The following MAP2K7 variants were observed in gnomAD, a reference collection of about 807,000 sequenced individuals.
MAP2K7 encodes mitogen-activated protein kinase kinase 7.
A neutral mutation model predicts 47.7 loss-of-function variants in MAP2K7; 12 were observed. That is an observed-to-expected ratio of 0.25 (90% confidence interval 0.16 to 0.41). MAP2K7 has a LOEUF of 0.41. MAP2K7 is among the 10% of genes least tolerant of loss of function. The pLI is 1.00. For synonymous variants in MAP2K7, 299 were observed against 243.0 expected (o/e 1.23, Z -2.14); for missense variants, 415 against 600.3 (o/e 0.69, Z 3.23).
intron 1 of MAP2K7, among the ~76,000 whole-genome samples, 186 bp downstream of exon 1, chr19:7,904,254 C>G (rs938466129): frequency 6.6e-6 from 1 of 152,020 alleles, no homozygotes; most frequent in East Asian, 1.9e-4. Context: ...CGGCGAGCTC[C>G]GGGGGGTTCG....
chr19:7,914,445 G>A lies in MAP2K7; in HGVS notation c.*2014G>A, dbSNP rs1652297356. 1 of 152,288 alleles carries A rather than the reference G, an allele frequency of 6.6e-6. No homozygotes were observed. The highest frequency in any genetic ancestry group is 1.5e-5 in the Non-Finnish European group (1 of 68,070). 9.4% of individuals were successfully genotyped at this position (152,288 alleles called of 1,614,324 possible). A position where few individuals can be genotyped will look rare whatever the true frequency, so the allele number is the denominator to read the frequency against. ...AAATGCCCTCGTTTGTAAACCCTTA[G>A]ACGCTTGAGAATAAACCCCTTCCTT... On this transcript the variant is annotated 3_prime_UTR_variant, in exon 11 of 11. Transcript: ENST00000397979.
chr19:7,904,438 C>G (rs1017740498), intron 1 of MAP2K7: 1 of 381,388 alleles, frequency 2.6e-6, no homozygotes, highest in Admixed American at 3.0e-5. Flanking sequence ...TGCTACCACT[C>G]TCGTCATCTC....
intron 9 of MAP2K7, 37 bp downstream of exon 9, chr19:7,911,615 C>T: frequency 6.5e-7 from 1 of 1,545,416 alleles, no homozygotes; most frequent in Non-Finnish European, 8.7e-7. Context: ...TCAGGGACAG[C>T]CCGCTGCTCT....
At position 7,912,055 on chromosome 19, in the gene MAP2K7, C is replaced by A. The variant is rs1299923182; in HGVS notation, c.1080-94C>A. The stretch of plus-strand genomic sequence containing the variant: ...CCTTCCCCCACACACATCTTGGGGA[C>A]CCCTGGCCCCTTGGGGAGGGCCTGA... On this transcript the variant is annotated intron_variant, in intron 9 of 10. Coordinates refer to ENST00000397979, the MANE Select transcript of MAP2K7 (RefSeq NM_145185.4). The A allele has an allele frequency of 1.5e-5, 18 of 1,188,666 alleles. No individual in the cohort carries two copies. In the Admixed American group the frequency reaches 2.5e-4, roughly 16 times the overall value. The allele number at this position is 1,188,666 out of a possible 1,614,324, so 73.6% of individuals were successfully genotyped here. A position where few individuals can be genotyped will look rare whatever the true frequency, so the allele number is the denominator to read the frequency against.
chr19:7,904,013 G>A lies in MAP2K7; in HGVS notation c.69G>A (p.Glu23=), dbSNP rs1982259264. The change falls in exon 1 of 11, where the codon GAG becomes GAA. Residue 23 remains glutamate (E), a synonymous_variant. Coordinates refer to ENST00000397979, the MANE Select transcript of MAP2K7 (RefSeq NM_145185.4). ...CAAAGCTGAAGCAGGAGAACCGGGA[G>A]GCCCGGCGGAGGATCGACCTCAACC... ...LEAKLKQENR[E]ARRRIDLNLD... is the part of the protein sequence containing the mutation. 6.5e-7 allele frequency: 1 copy of A among 1,547,418 alleles called. No homozygotes were observed. Among genetic ancestry groups the A allele is most frequent in the Non-Finnish European group, 8.7e-7 (1 of 1,146,376 alleles).
rs1274057394 is a variant in MAP2K7 at position 7,912,305 on chromosome 19, C to T, written c.1134C>T (p.Ser378=). Residue 378 remains serine (S), a synonymous_variant, in exon 11 of 11, where the codon AGC becomes AGT. Transcript: ENST00000397979. The part of the protein sequence containing the change: ...RPKYNKLLEH[S]FIKRYETLEV... ...CCCCCTCGGGCCCACAGGAACACAGCTTCATCAAGCGCTACGAGACGCTGG... is the reference window on the plus strand; with the variant it reads ...CCCCCTCGGGCCCACAGGAACACAGTTTCATCAAGCGCTACGAGACGCTGG... The T allele has an allele frequency of 1.2e-6, 2 of 1,613,636 alleles. No homozygotes were observed. Among genetic ancestry groups the T allele is most frequent in the African/African-American group, 2.7e-5 (2 of 74,942 alleles).
chr19:7,909,438 A>G lies in MAP2K7; in HGVS notation c.125-317A>G, dbSNP rs527579922. ...GAGGAAGTGCACACACCTGTCAGGG[A>G]GGCCCCCTGGCCGAGGGACACCTCA... On this transcript the variant is annotated intron_variant, in intron 1 of 10. Transcript: ENST00000397979. 1.2e-4 allele frequency among the ~76,000 whole-genome samples: 19 copies of G among 152,318 alleles called. No individual in the cohort carries two copies. In the South Asian group the frequency reaches 3.9e-3, roughly 32 times the overall value.
chr19:7,909,833 C>T lies in MAP2K7; in HGVS notation c.203C>T (p.Pro68Leu). The T allele has an allele frequency of 1.3e-6, 2 of 1,539,072 alleles. No homozygotes were observed. The highest frequency in any genetic ancestry group is 1.7e-6 in the Non-Finnish European group (2 of 1,143,024). ...SESSPQHPTP[P>L]ARPRHMLGLP... ...AGCTCCCCGCAGCACCCCACGCCCCCCGCCCGGCCCCGCCACATGCTGGGG... is the reference window on the plus strand; with the variant it reads ...AGCTCCCCGCAGCACCCCACGCCCCTCGCCCGGCCCCGCCACATGCTGGGG... Residue 68 changes from proline (P) to leucine (L), a missense_variant, in exon 2 of 11, where the codon CCC (proline) becomes CTC (leucine). By Grantham distance (98) the Pro-to-Leu change is moderately conservative. Around this residue, in one of 3 missense-constraint regions of MAP2K7, gnomAD observed 115 missense variants for 126.2 expected, o/e 0.91. Transcript: ENST00000397979.
rs1378141135 is a variant in MAP2K7 at position 7,914,284 on chromosome 19, C to T, written c.*1853C>T. On this transcript the variant is annotated 3_prime_UTR_variant, in exon 11 of 11. Transcript: ENST00000397979. Reference sequence around the variant, plus strand: ...CCCAGCCTCTCCCAAGACCTCCCCCCTCGTCACCAGCCATCCCTCTGGACC... The same window carrying T: ...CCCAGCCTCTCCCAAGACCTCCCCCTTCGTCACCAGCCATCCCTCTGGACC... 1.3e-5 allele frequency: 2 copies of T among 152,528 alleles called. No homozygotes were observed. Among genetic ancestry groups the T allele is most frequent in the East Asian group, 1.9e-4 (1 of 5,202 alleles). 9.4% of individuals were successfully genotyped at this position (152,528 alleles called of 1,614,324 possible).
intron 1 of MAP2K7, chr19:7,905,792 C>A: frequency 6.3e-7 from 1 of 1,579,024 alleles, no homozygotes. Flanking sequence ...TTTTTTTCTT[C>A]CTTTTCCCCA....
In MAP2K7 at chr19:7,912,596, C is replaced by T; in HGVS notation, c.*165C>T. The T allele has an allele frequency of 3.7e-6, 3 of 811,244 alleles. No homozygotes were observed. Among genetic ancestry groups the T allele is most frequent in the Middle Eastern group, 3.8e-4 (1 of 2,664 alleles). The allele number at this position is 811,244 out of a possible 1,614,324, so 50.3% of individuals were successfully genotyped here. On this transcript the variant is annotated 3_prime_UTR_variant, in exon 11 of 11. Transcript: ENST00000397979. ...GCCCACCCACCCCCCCCGCCCCGGGCCTACCAAGCCCCCGCCCTTCCCACC... is the reference window on the plus strand; with the variant it reads ...GCCCACCCACCCCCCCCGCCCCGGGTCTACCAAGCCCCCGCCCTTCCCACC...
chr19:7,905,384 T>G (rs992725590), intron 1 of MAP2K7, among the ~76,000 whole-genome samples: 4 of 152,122 alleles, frequency 2.6e-5, no homozygotes, highest in African/African-American at 9.7e-5. Flanking sequence ...TTGGGGAGTC[T>G]CTTGGGGGTC....
At chr19:7,907,927 G>A (rs1460095003) in intron 1 of MAP2K7, among the ~76,000 whole-genome samples, 1 of 152,202 alleles carries the variant, frequency 6.6e-6, no homozygotes, top group African/African-American at 2.4e-5. Flanking sequence ...CTCAGGCCAT[G>A]GACAGAGCAG....
rs1190934424 is a variant in MAP2K7 at position 7,903,922 on chromosome 19, CGGCGGCGGT to C, written c.-14_-6del. The stretch of plus-strand genomic sequence containing the variant: ...GACTGACGGGCGGCCGGGCGGTGCG[CGGCGGCGGT>C]GGCGGCGGGGAAGATGGCGGCGTCC... On this transcript the variant is annotated 5_prime_UTR_variant, in exon 1 of 11. Transcript: ENST00000397979. The C allele has an allele frequency of 2.0e-6, 3 of 1,497,194 alleles. No individual in the cohort carries two copies. The highest frequency in any genetic ancestry group is 2.7e-6 in the Non-Finnish European group (3 of 1,120,698). 92.7% of individuals were successfully genotyped at this position (1,497,194 alleles called of 1,614,324 possible). A position where few individuals can be genotyped will look rare whatever the true frequency, so the allele number is the denominator to read the frequency against.
intron 1 of MAP2K7, among the ~76,000 whole-genome samples, chr19:7,907,763 G>A (rs1006706510): frequency 4.6e-5 from 7 of 152,160 alleles, no homozygotes; most frequent in African/African-American, 1.2e-4. Context: ...GGCTGTGGTC[G>A]TCAACCGCTG....
rs770499913 is a variant in MAP2K7, at chr19:7,911,174, C to T, written c.855+15C>T. ...CCTACATGGCAGTGAGTGGGGGCCC[C>T]CCAGCGGGGGAGGGGGTGGGGGCTG... On this transcript the variant is annotated intron_variant, in intron 7 of 10. Transcript: ENST00000397979. 25 of 1,608,458 alleles carry T rather than the reference C, an allele frequency of 1.6e-5. No individual in the cohort carries two copies. The South Asian group carries it at 2.4e-4, about 16-fold the overall frequency.
intron 1 of MAP2K7, chr19:7,905,945 T>C (rs1398526182): frequency 2.7e-6 from 3 of 1,112,124 alleles, no homozygotes; most frequent in Non-Finnish European, 4.1e-6. Context: ...CCAGCCCCCA[T>C]GCTCTGTGTG....
rs1948087271 is a variant in MAP2K7, at chr19:7,914,078, A to G, written c.*1647A>G. ...GCCCTTTCCTCCCCTGCATCCAGCC[A>G]TGGGGGCCTCTGCGATTGCCGGAAG... On this transcript the variant is annotated 3_prime_UTR_variant, in exon 11 of 11. Coordinates refer to ENST00000397979, the MANE Select transcript of MAP2K7 (RefSeq NM_145185.4). 6.6e-6 allele frequency: 1 copy of G among 152,170 alleles called. No individual in the cohort carries two copies. The highest frequency in any genetic ancestry group is 2.4e-5 in the African/African-American group (1 of 41,438). 9.4% of individuals were successfully genotyped at this position (152,170 alleles called of 1,614,324 possible).
Position 7,910,734 on chromosome 19 carries a change from C to T in MAP2K7, c.606C>T (p.Cys202=), listed in dbSNP as rs35139435. 1,355 of 1,611,708 alleles carry T rather than the reference C, an allele frequency of 8.4e-4. 3 individuals carry two copies. The African/African-American group carries it at 0.011, about 13-fold the overall frequency. ...TCGCCATGGAGCTCATGGGCACCTG[C>T]GCTGAGAAGCTCAAGAAGCGGATGC... is the stretch of plus-strand genomic sequence containing the variant. The part of the protein sequence containing the change: ...VFIAMELMGT[C]AEKLKKRMQG... The change falls in exon 6 of 11, where the codon TGC becomes TGT. Residue 202 remains cysteine (C), a synonymous_variant. Transcript: ENST00000397979.
Sources: gnomAD v4.1 joint callset for allele counts (sites outside exome capture counted in the v4.1 genomes callset) on GRCh38, gnomAD v4.1.1 for gene constraint, gnomAD v4.1.1 regional missense constraint, MANE v1.5 for transcripts, NCBI Gene and HGNC (gene_info 2026-07-23, HGNC 2026-07-21) for gene names.